TASP1: variants seen among roughly 807,000 people sequenced by gnomAD.
TASP1 encodes threonine aspartase 1.
A neutral mutation model predicts 56.6 loss-of-function variants in TASP1; 16 were observed. That is an observed-to-expected ratio of 0.28 (90% CI 0.19 to 0.43). The LOEUF is 0.43. Ranked by LOEUF, TASP1 falls within the 20% of genes least tolerant of loss-of-function variation. The probability of loss-of-function intolerance (pLI) is 1.00; values close to 1 mark genes in which losing one functional copy is unlikely to be tolerated. For missense variants in TASP1, 393 were observed against 511.6 expected (o/e 0.77, Z 2.24); for synonymous variants, 179 against 184.2 (o/e 0.97, Z 0.23).
At chr20:13,116,269 C>T in the TASP1 span, among the ~76,000 whole-genome samples, 7 of 152,136 alleles carry the variant, frequency 4.6e-5, no homozygotes, top group Non-Finnish European at 1.0e-4. Context: ...AAAAAGGAGA[C>T]GTTCAACTCT....
chr20:13,360,038 C>T, the TASP1 span, among the ~76,000 whole-genome samples: 1 of 152,166 alleles, frequency 6.6e-6, no homozygotes, highest in African/African-American at 2.4e-5. Flanking sequence ...ACAATTCCCC[C>T]ATTTTACCTG....
the TASP1 span, among the ~76,000 whole-genome samples, chr20:13,254,256 A>C: frequency 3.3e-5 from 5 of 151,448 alleles, no homozygotes; most frequent in African/African-American, 1.2e-4. Flanking sequence ...TAAATAAATA[A>C]AGCAAATGTG....
the TASP1 span, among the ~76,000 whole-genome samples, chr20:13,280,931 C>A: frequency 1.3e-5 from 2 of 152,168 alleles, no homozygotes; most frequent in African/African-American, 4.8e-5. Flanking sequence ...GTGGCTTCAC[C>A]ATCAGTGGAC....
chr20:13,453,507 C>T (rs1304913235), intron 11 of TASP1, among the ~76,000 whole-genome samples: 2 of 152,076 alleles, frequency 1.3e-5, no homozygotes, highest in Admixed American at 6.6e-5. Flanking sequence ...TGGTGGAAGA[C>T]TCGCATTGTA....
chr20:13,168,398 G>T, the TASP1 span: 5 of 152,136 alleles, frequency 3.3e-5, no homozygotes, highest in Admixed American at 3.3e-4. Flanking sequence ...GGTCAGGCTG[G>T]TCTCGAACTC....
At chr20:13,323,325 C>T in the TASP1 span, among the ~76,000 whole-genome samples, 1 of 152,160 alleles carries the variant, frequency 6.6e-6, no homozygotes, top group Non-Finnish European at 1.5e-5. Flanking sequence ...ACTGGAAACA[C>T]AATGACTCAG....
chr20:13,527,170 G>C (rs963623317), intron 10 of TASP1, among the ~76,000 whole-genome samples: 57 of 152,222 alleles, frequency 3.7e-4, no homozygotes, highest in African/African-American at 1.4e-3. Flanking sequence ...AGATGGAACA[G>C]GTCAGAGAGG....
chr20:13,408,781 G>C (rs1227233845), intron 13 of TASP1, among the ~76,000 whole-genome samples: 1 of 152,072 alleles, frequency 6.6e-6, no homozygotes, highest in Non-Finnish European at 1.5e-5. Context: ...TTGAAATAAA[G>C]TTAGCCACTT....
At chr20:13,591,747 G>T (rs2147286657) in intron 4 of TASP1, among the ~76,000 whole-genome samples, 1 of 152,264 alleles carries the variant, frequency 6.6e-6, no homozygotes, top group South Asian at 2.1e-4. Context: ...TACTAACAAT[G>T]TATCATGGGG....
chr20:13,461,066 G>T (rs192399665), intron 11 of TASP1, among the ~76,000 whole-genome samples: 1 of 152,040 alleles, frequency 6.6e-6, no homozygotes, highest in South Asian at 2.1e-4. Flanking sequence ...AGCCACACAG[G>T]CCTCCCTGCC....
chr20:13,512,563 T>C (rs2146729328), intron 10 of TASP1, among the ~76,000 whole-genome samples: 1 of 152,268 alleles, frequency 6.6e-6, no homozygotes, highest in Non-Finnish European at 1.5e-5. Context: ...GCCTGTTCAC[T>C]CTGATAGTAG....
intron 11 of TASP1, among the ~76,000 whole-genome samples, chr20:13,472,865 G>A (rs2044566687): frequency 6.6e-6 from 1 of 151,650 alleles, no homozygotes. Flanking sequence ...GGAGAAATAG[G>A]AACGCTTTTA....
intron 10 of TASP1, among the ~76,000 whole-genome samples, chr20:13,516,377 C>T (rs1206132518): frequency 1.3e-5 from 2 of 151,006 alleles, no homozygotes; most frequent in African/African-American, 4.9e-5. Flanking sequence ...CACATCCTCG[C>T]TCCACACTGA....
chr20:13,306,721 C>T, the TASP1 span, among the ~76,000 whole-genome samples: 1 of 152,134 alleles, frequency 6.6e-6, no homozygotes, highest in Non-Finnish European at 1.5e-5. Context: ...ATACCACTGA[C>T]TTGACTTTTC....
chr20:13,202,689 C>T, the TASP1 span, among the ~76,000 whole-genome samples: 4 of 152,174 alleles, frequency 2.6e-5, no homozygotes, highest in African/African-American at 9.7e-5. Flanking sequence ...CTGGCTCTGC[C>T]GTGTAGTCAA....
chr20:13,221,798 C>T, the TASP1 span: 1 of 1,391,766 alleles, frequency 7.2e-7, no homozygotes, highest in Non-Finnish European at 9.4e-7. Context: ...GGCGGCCGAG[C>T]TGCTGCTGCT....
At chr20:13,163,490 T>C in the TASP1 span, among the ~76,000 whole-genome samples, 51 of 151,574 alleles carry the variant, frequency 3.4e-4, no homozygotes, top group African/African-American at 1.2e-3. Flanking sequence ...AACTAGTCCA[T>C]CCCCCACCTT....
the TASP1 span, among the ~76,000 whole-genome samples, chr20:13,121,534 G>A: frequency 6.6e-6 from 1 of 152,096 alleles, no homozygotes; most frequent in African/African-American, 2.4e-5. Context: ...AAACAATCAG[G>A]GTTTTGAACT....
chr20:13,483,539 A>T (rs1276944572), intron 10 of TASP1, among the ~76,000 whole-genome samples: 2 of 152,240 alleles, frequency 1.3e-5, no homozygotes, highest in Non-Finnish European at 2.9e-5. Flanking sequence ...AAAGTTTATC[A>T]ATCAAAAGCA....
Sources: allele counts gnomAD v4.1 joint callset (sites outside exome capture counted in the v4.1 genomes callset), GRCh38; gene constraint gnomAD v4.1.1; transcripts MANE v1.5; gene names NCBI Gene and HGNC (gene_info 2026-07-23, HGNC 2026-07-21).